The following NUSAP1 variants were observed in gnomAD, a reference collection of about 807,000 sequenced individuals.
NUSAP1 encodes the protein nucleolar and spindle associated protein 1, also known as nucleolar and spindle-associated protein 1.
In NUSAP1, 32 loss-of-function variants were observed where a neutral mutation model predicts 52.8. The observed-to-expected ratio is 0.61, with a 90% CI of 0.46 to 0.81. NUSAP1 has a LOEUF of 0.81. Ranked by LOEUF, NUSAP1 falls within the 40% of genes least tolerant of loss-of-function variation. The pLI, the probability that NUSAP1 is intolerant of heterozygous loss-of-function variation, is 0.00. For missense variants in NUSAP1, 499 were observed against 522.3 expected, an observed-to-expected ratio of 0.96 and a Z score of 0.43; for synonymous variants, 195 against 183.1, an observed-to-expected ratio of 1.06 and a Z score of -0.52.
chr15:41,340,034 A>G (rs1383816243), intron 1 of NUSAP1, among the ~76,000 whole-genome samples: 1 of 152,078 alleles, frequency 6.6e-6, no homozygotes, highest in Non-Finnish European at 1.5e-5. Context: ...CGGCCTCCCA[A>G]AGTGCTAGGA....
chr15:41,340,517 G>A (rs960530632), intron 1 of NUSAP1, among the ~76,000 whole-genome samples: 3 of 152,132 alleles, frequency 2.0e-5, no homozygotes, highest in African/African-American at 7.2e-5. Flanking sequence ...ATAAATGCTT[G>A]TTGAAGGAAT....
chr15:41,377,660 C>G (rs887139847), intron 10 of NUSAP1, among the ~76,000 whole-genome samples: 1 of 147,586 alleles, frequency 6.8e-6, no homozygotes, highest in Non-Finnish European at 1.5e-5. Context: ...GATCGCGCCA[C>G]TGCACTCTAG....
intron 8 of NUSAP1, among the ~76,000 whole-genome samples, chr15:41,374,747 G>A (rs1420757366): frequency 1.3e-5 from 2 of 151,908 alleles, no homozygotes; most frequent in Non-Finnish European, 2.9e-5. Context: ...GGATGGTCTC[G>A]CTCTCTTGAC....
chr15:41,372,063 C>T (rs1045492817), intron 8 of NUSAP1, among the ~76,000 whole-genome samples: 6 of 152,140 alleles, frequency 3.9e-5, no homozygotes, highest in East Asian at 3.8e-4. Flanking sequence ...CCACTGCGCC[C>T]GGCCTGTATC....
At chr15:41,355,661 T>C (rs1385010568) in intron 4 of NUSAP1, among the ~76,000 whole-genome samples, 1 of 151,790 alleles carries the variant, frequency 6.6e-6, no homozygotes, top group Non-Finnish European at 1.5e-5. Flanking sequence ...CACACGTTTT[T>C]TTTTTTGTTT....
intron 6 of NUSAP1, among the ~76,000 whole-genome samples, chr15:41,363,339 C>CTATA (rs200179301): frequency 5.5e-5 from 8 of 146,560 alleles, no homozygotes; most frequent in African/African-American, 1.8e-4. Flanking sequence ...CTCTCTCTCT[C>CTATA]TATATATATA....
At chr15:41,346,056 G>A (rs1056558226) in intron 2 of NUSAP1, among the ~76,000 whole-genome samples, 4 of 150,094 alleles carry the variant, frequency 2.7e-5, no homozygotes, top group African/African-American at 9.8e-5. Context: ...TTGAGATGGA[G>A]TCTTGCCCTG....
intron 1 of NUSAP1, among the ~76,000 whole-genome samples, chr15:41,342,041 A>G (rs2048383922): frequency 6.6e-6 from 1 of 152,190 alleles, no homozygotes. Context: ...CTCAGCAATT[A>G]GAGACATCAC....
At chr15:41,335,635 T>C (rs1301615860) in intron 1 of NUSAP1, among the ~76,000 whole-genome samples, 1 of 139,456 alleles carries the variant, frequency 7.2e-6, no homozygotes, top group South Asian at 2.2e-4. Context: ...CTAAATATAC[T>C]ATATATAAAT....
At chr15:41,355,275 C>T (rs1029341603) in intron 4 of NUSAP1, among the ~76,000 whole-genome samples, 14 of 151,806 alleles carry the variant, frequency 9.2e-5, no homozygotes, top group African/African-American at 2.7e-4. Context: ...TGGGTTCAAG[C>T]GATTCTCCTG....
At chr15:41,345,264 T>C (rs1254934486) in intron 2 of NUSAP1, among the ~76,000 whole-genome samples, 1 of 152,046 alleles carries the variant, frequency 6.6e-6, no homozygotes, top group Non-Finnish European at 1.5e-5. Flanking sequence ...CCTCCCAAAG[T>C]GCTGGGATTA....
chr15:41,363,283 CT>C, intron 6 of NUSAP1, among the ~76,000 whole-genome samples: 1 of 132,718 alleles, frequency 7.5e-6, no homozygotes, highest in Non-Finnish European at 1.6e-5. Context: ...AAGTCTCCAT[CT>C]AAAAAAAAAA....
At chr15:41,347,948 C>T (rs1216895578) in intron 2 of NUSAP1, among the ~76,000 whole-genome samples, 1 of 151,964 alleles carries the variant, frequency 6.6e-6, no homozygotes, top group East Asian at 1.9e-4. Flanking sequence ...CATAGTGAGA[C>T]CCCATTTCTA....
chr15:41,342,706 C>T (rs186547088), intron 2 of NUSAP1, among the ~76,000 whole-genome samples: 80 of 152,122 alleles, frequency 5.3e-4, no homozygotes, highest in African/African-American at 1.9e-3. Context: ...GATGTGGTGG[C>T]GGGAGCCTGT....
At chr15:41,339,612 A>G (rs1253656701) in intron 1 of NUSAP1, among the ~76,000 whole-genome samples, 2 of 151,650 alleles carry the variant, frequency 1.3e-5, no homozygotes, top group African/African-American at 2.4e-5. Context: ...GTTTCTCCAT[A>G]TTGTTCAGGC....
At chr15:41,373,606 C>A (rs772317349) in intron 8 of NUSAP1, among the ~76,000 whole-genome samples, 5 of 151,598 alleles carry the variant, frequency 3.3e-5, no homozygotes, top group African/African-American at 4.8e-5. Flanking sequence ...CCCGCCACCA[C>A]GCCCGGCTAA....
chr15:41,353,408 C>T (rs936823775), intron 4 of NUSAP1, among the ~76,000 whole-genome samples: 1 of 152,130 alleles, frequency 6.6e-6, no homozygotes, highest in Admixed American at 6.6e-5. Context: ...TCCCAAAGTG[C>T]CAGGATTACA....
At chr15:41,350,943 T>C (rs777902249) in intron 3 of NUSAP1, 45 bp from the exon 4 acceptor site, 1 of 1,528,988 alleles carries the variant, frequency 6.5e-7, no homozygotes, top group Non-Finnish European at 8.9e-7. Context: ...AGGCAGCAAT[T>C]CTTATTTATC....
At chr15:41,342,894 G>C (rs1313257160) in intron 2 of NUSAP1, among the ~76,000 whole-genome samples, 1 of 152,150 alleles carries the variant, frequency 6.6e-6, no homozygotes, top group African/African-American at 2.4e-5. Context: ...ATTGGTAATA[G>C]TGCCAAGGAC....
Sources: gnomAD v4.1 joint callset for allele counts (sites outside exome capture counted in the v4.1 genomes callset) on GRCh38, gnomAD v4.1.1 for gene constraint, MANE v1.5 for transcripts, NCBI Gene and HGNC (gene_info 2026-07-23, HGNC 2026-07-21) for gene names.